SNX13: variants seen among roughly 807,000 people sequenced by gnomAD.
The protein encoded by SNX13 is sorting nexin 13.
SNX13 carries 45 observed loss-of-function variants against 133.6 expected under a neutral mutation model. That is an observed-to-expected ratio of 0.34 (90% CI 0.27 to 0.43). The LOEUF is 0.43. SNX13 is among the 20% of genes least tolerant of loss of function. SNX13 has a pLI of 1.00. For synonymous variants in SNX13, 414 were observed against 373.9 expected (o/e 1.11, Z -1.24); for missense variants, 1,032 against 1,145.1 (o/e 0.90, Z 1.43).
At chr7:17,890,272 T>G in intron 5 of SNX13, 91 bp downstream of exon 5, 1 of 1,249,864 alleles carries the variant, frequency 8.0e-7, no homozygotes, top group Non-Finnish European at 1.1e-6. Flanking sequence ...TACCTTTTAA[T>G]AAACAATTCC....
chr7:17,902,603 A>C (rs1445757895), intron 1 of SNX13, among the ~76,000 whole-genome samples: 4 of 152,244 alleles, frequency 2.6e-5, no homozygotes, highest in African/African-American at 9.6e-5. Context: ...GATAAAATTT[A>C]GGGTAATTTT....
intron 16 of SNX13, among the ~76,000 whole-genome samples, chr7:17,828,425 A>T (rs1272428479): frequency 6.6e-6 from 1 of 151,688 alleles, no homozygotes; most frequent in African/African-American, 2.4e-5. Flanking sequence ...TCAAATTTAT[A>T]ATGATAGTCA....
At chr7:17,889,411 G>A (rs1185301757) in intron 5 of SNX13, 1 of 152,088 alleles carries the variant, frequency 6.6e-6, no homozygotes, top group African/African-American at 2.4e-5. Context: ...AATGGAGATA[G>A]AGGAAAGGGC....
At chr7:17,882,475 G>A (rs1446072918) in intron 5 of SNX13, 1 of 152,094 alleles carries the variant, frequency 6.6e-6, no homozygotes, top group East Asian at 1.9e-4. Flanking sequence ...TTAGAATCAA[G>A]CATTCTTTCT....
chr7:17,901,317 G>A (rs1797808073), intron 1 of SNX13, among the ~76,000 whole-genome samples: 1 of 152,088 alleles, frequency 6.6e-6, no homozygotes, highest in South Asian at 2.1e-4. Context: ...TCTCTTCGTC[G>A]CCCCAGCTGG....
intron 22 of SNX13, among the ~76,000 whole-genome samples, chr7:17,799,435 G>T (rs1255371285): frequency 6.6e-6 from 1 of 151,686 alleles, no homozygotes; most frequent in Non-Finnish European, 1.5e-5. Context: ...AGGAAAAGAT[G>T]ATTTGGTTCT....
At chr7:17,921,106 C>A (rs1301178672) in intron 1 of SNX13, among the ~76,000 whole-genome samples, 1 of 152,102 alleles carries the variant, frequency 6.6e-6, no homozygotes, top group African/African-American at 2.4e-5. Context: ...CTCCTTAGAT[C>A]TTGCACAATC....
chr7:17,861,648 C>T (rs572391055), intron 9 of SNX13, among the ~76,000 whole-genome samples: 3 of 152,138 alleles, frequency 2.0e-5, no homozygotes, highest in Non-Finnish European at 4.4e-5. Flanking sequence ...AAGAAAGTCT[C>T]AGATGGACAT....
intron 15 of SNX13, 132 bp from the exon 16 acceptor site, chr7:17,830,179 A>AAAAG: frequency 8.5e-7 from 1 of 1,173,242 alleles, no homozygotes; most frequent in Non-Finnish European, 1.1e-6. Context: ...AAAAAAAAAA[A>AAAAG]AAAAATTGTG....
chr7:17,816,017 A>T (rs1786611870), intron 19 of SNX13, among the ~76,000 whole-genome samples, 165 bp downstream of exon 19: 1 of 152,214 alleles, frequency 6.6e-6, no homozygotes, highest in South Asian at 2.1e-4. Flanking sequence ...AATGTTTACA[A>T]ATTACTAAGC....
intron 1 of SNX13, 100 bp from the exon 2 acceptor site, chr7:17,897,546 T>A: frequency 1.7e-6 from 1 of 590,312 alleles, no homozygotes. Flanking sequence ...TTTCTTCTTG[T>A]AAACATTCAT....
At chr7:17,910,070 C>G (rs1798802055) in intron 1 of SNX13, among the ~76,000 whole-genome samples, 1 of 152,162 alleles carries the variant, frequency 6.6e-6, no homozygotes, top group Non-Finnish European at 1.5e-5. Flanking sequence ...ACAAAGAGAT[C>G]TGACCTGTAC....
intron 20 of SNX13, among the ~76,000 whole-genome samples, chr7:17,808,194 GA>G (rs1273706479): frequency 6.6e-6 from 1 of 152,050 alleles, no homozygotes; most frequent in Non-Finnish European, 1.5e-5. Context: ...CCAATGCGAG[GA>G]AACTAAGAAC....
chr7:17,868,991 T>C (rs565001523), intron 8 of SNX13, among the ~76,000 whole-genome samples: 1 of 152,254 alleles, frequency 6.6e-6, no homozygotes, highest in South Asian at 2.1e-4. Flanking sequence ...TGTGTTTGAA[T>C]AGTTTCCTAA....
Position 17,850,830 on chromosome 7 carries a change from A to T in SNX13, c.972T>A (p.Gly324=). Residue 324 remains glycine, a synonymous_variant, in exon 10 of 26, where the codon GGT becomes GGA. Transcript: ENST00000428135. ...LQYLRSLDTA[G]DDINTIKNQI... Reference sequence around the variant, plus strand: ...TAAATTAAATACATTACTTACCATCACCAGCTGTATCTAGAGATCTAAGAT... The same window carrying T: ...TAAATTAAATACATTACTTACCATCTCCAGCTGTATCTAGAGATCTAAGAT... 2 of 1,575,170 alleles carry T rather than the reference A, an allele frequency of 1.3e-6. No individual in the cohort carries two copies. Among genetic ancestry groups the T allele is most frequent in the Non-Finnish European group, 1.7e-6 (2 of 1,167,990 alleles).
intron 13 of SNX13, among the ~76,000 whole-genome samples, chr7:17,839,460 A>G (rs1789601648): frequency 6.6e-6 from 1 of 151,932 alleles, no homozygotes; most frequent in South Asian, 2.1e-4. Context: ...TGTTTAATAC[A>G]TACATTTAAA....
chr7:17,916,987 T>A (rs1799624926), intron 1 of SNX13, among the ~76,000 whole-genome samples: 1 of 152,218 alleles, frequency 6.6e-6, no homozygotes, highest in Non-Finnish European at 1.5e-5. Flanking sequence ...GCTTTATTCT[T>A]GGCATGCAAG....
intron 18 of SNX13, among the ~76,000 whole-genome samples, chr7:17,821,164 T>C (rs1175600257): frequency 2.6e-5 from 4 of 152,126 alleles, no homozygotes; most frequent in African/African-American, 4.8e-5. Context: ...AAGCACAAAA[T>C]GTCCTACAGC....
At chr7:17,881,023 A>G (rs1795274520) in intron 5 of SNX13, 1 of 152,146 alleles carries the variant, frequency 6.6e-6, no homozygotes, top group East Asian at 1.9e-4. Context: ...CATTCATGGC[A>G]GAATATTTTC....
Sources: allele counts gnomAD v4.1 joint callset (sites outside exome capture counted in the v4.1 genomes callset), GRCh38; gene constraint gnomAD v4.1.1; transcripts MANE v1.5; gene names NCBI Gene and HGNC (gene_info 2026-07-23, HGNC 2026-07-21).